Variants in EGFL6 observed in about 807,000 individuals in gnomAD.
EGFL6 encodes epidermal growth factor-like protein 6.
EGFL6 carries 42 observed loss-of-function variants against 43.1 expected under a neutral mutation model. The ratio of observed to expected loss-of-function variants is 0.98; its 90% CI spans 0.76 to 1.26. EGFL6 has a LOEUF of 1.26. EGFL6 is among the 50% of genes most tolerant of loss of function. The pLI is 0.00. For missense variants in EGFL6, 429 were observed against 427.8 expected, an observed-to-expected ratio of 1.00 and a Z score of -0.02; for synonymous variants, 164 against 163.2, an observed-to-expected ratio of 1.01 and a Z score of -0.04.
chrX:13,589,567 A>G lies in EGFL6; in HGVS notation c.86A>G (p.His29Arg), dbSNP rs2045551853. The change falls in exon 2 of 12, where the codon CAC (histidine) becomes CGC (arginine). Residue 29 changes from histidine (H) to arginine (R), a missense_variant. Transcript: ENST00000361306. The stretch of plus-strand genomic sequence containing the variant: ...TTCTTTATCTGCAGTGCAAGGCATC[A>G]CGGGTTGTTAGCATCGGCACGTCAG... Reference protein sequence around the residue: ...GFGNAASARHHGLLASARQPG... With the variant: ...GFGNAASARHRGLLASARQPG... The G allele has an allele frequency of 9.9e-6, 12 of 1,210,402 alleles. No homozygotes were observed. The highest frequency in any genetic ancestry group is 1.3e-5 in the Non-Finnish European group (12 of 894,646).
chrX:13,589,914 G>T (rs1297461178), intron 2 of EGFL6, among the ~76,000 whole-genome samples: 1 of 112,723 alleles, frequency 8.9e-6, no homozygotes, highest in Non-Finnish European at 1.9e-5. Flanking sequence ...ATCTTAATGA[G>T]TATGACTGGG....
At chrX:13,616,539 G>A (rs991235449) in intron 7 of EGFL6, among the ~76,000 whole-genome samples, 1 of 110,286 alleles carries the variant, frequency 9.1e-6, no homozygotes, top group Non-Finnish European at 1.9e-5. Flanking sequence ...CAACCCAGGA[G>A]GGGGAGGTTG....
chrX:13,601,634 C>G (rs183695477), intron 4 of EGFL6, among the ~76,000 whole-genome samples: 182 of 112,081 alleles, frequency 1.6e-3, no homozygotes, highest in African/African-American at 5.7e-3. Flanking sequence ...TGTCCCAACA[C>G]CACCAGTCAC....
intron 1 of EGFL6, among the ~76,000 whole-genome samples, chrX:13,578,808 T>TTA (rs2045489769): frequency 9.2e-6 from 1 of 108,290 alleles, no homozygotes; most frequent in African/African-American, 3.5e-5. Context: ...AGGGATAGCA[T>TTA]TGGTAGATAT....
intron 7 of EGFL6, among the ~76,000 whole-genome samples, chrX:13,614,967 G>T (rs2045710849): frequency 9.0e-6 from 1 of 111,715 alleles, no homozygotes; most frequent in African/African-American, 3.3e-5. Context: ...GGCCAGGCTG[G>T]TCTCAAACAC....
In EGFL6 at chrX:13,608,429, A is replaced by T. The variant is rs907090559; in HGVS notation, c.761A>T (p.Asn254Ile). Residue 254 changes from asparagine (N) to isoleucine (I), a missense_variant, in exon 7 of 12, where the codon AAT (asparagine) becomes ATT (isoleucine). Coordinates refer to ENST00000361306, the MANE Select transcript of EGFL6 (RefSeq NM_015507.4). ...AAATGCAAGCAGGGATATAAAGGCA[A>T]TGGACTTCGGTGTTCTGGTAAGTAG... ...KCKCKQGYKG[N>I]GLRCSAIPEN... 2 of 1,209,386 alleles carry T rather than the reference A, an allele frequency of 1.7e-6. No homozygotes were observed. The highest frequency in any genetic ancestry group is 3.5e-5 in the African/African-American group (2 of 57,144).
At chrX:13,570,484 A>C (rs2045434953) in intron 1 of EGFL6, among the ~76,000 whole-genome samples, 1 of 111,819 alleles carries the variant, frequency 8.9e-6, no homozygotes, top group African/African-American at 3.3e-5. Flanking sequence ...GGGTTGATGA[A>C]CTGGAAAGAA....
At chrX:13,619,103 A>G in intron 8 of EGFL6, 60 bp from the exon 9 acceptor site, 17 of 906,804 alleles carry the variant, frequency 1.9e-5, no homozygotes, top group Non-Finnish European at 2.7e-5. Context: ...TTTGATTGAT[A>G]CCTTCTGAGC....
chrX:13,626,971 A>G lies in EGFL6; in HGVS notation c.1286-40A>G, dbSNP rs758231485. On this transcript the variant is annotated intron_variant, in intron 10 of 11. Transcript: ENST00000361306. ...ATACATTAAAGCCAAACTCCTTACA[A>G]TTGCCTCATTAATTGTGCATTTTTT... 6 of 1,191,061 alleles carry G rather than the reference A, an allele frequency of 5.0e-6. No homozygotes were observed. In the East Asian group the frequency reaches 1.8e-4, roughly 35 times the overall value.
At chrX:13,582,746 A>G (rs11095617) in intron 1 of EGFL6, among the ~76,000 whole-genome samples, 24,708 of 110,101 alleles carry the variant, frequency 0.22, 2,194 homozygotes, top group East Asian at 0.62. Context: ...CAGTATATGA[A>G]TTTTATCTTC....
intron 1 of EGFL6, among the ~76,000 whole-genome samples, chrX:13,572,755 T>C (rs1220568154): frequency 1.8e-5 from 2 of 111,989 alleles, no homozygotes; most frequent in Non-Finnish European, 3.8e-5. Flanking sequence ...CCACATGCTA[T>C]GTGGGTAATT....
intron 1 of EGFL6, among the ~76,000 whole-genome samples, chrX:13,585,129 C>G (rs956211404): frequency 8.9e-6 from 1 of 111,869 alleles, no homozygotes; most frequent in Non-Finnish European, 1.9e-5. Context: ...TCACAAGACC[C>G]TCTGTGATGT....
intron 2 of EGFL6, among the ~76,000 whole-genome samples, chrX:13,591,787 C>G (rs914199892): frequency 1.8e-5 from 2 of 111,134 alleles, no homozygotes; most frequent in East Asian, 5.6e-4. Context: ...AGCCTTCTAG[C>G]TCTCAGCCTC....
At chrX:13,601,869 T>A (rs147660897) in intron 4 of EGFL6, among the ~76,000 whole-genome samples, 1,437 of 111,609 alleles carry the variant, frequency 0.013, 22 homozygotes, top group African/African-American at 0.044. Context: ...GCTTTTATAG[T>A]AATCACTTAA....
At chrX:13,609,251 G>A (rs1462089354) in intron 7 of EGFL6, among the ~76,000 whole-genome samples, 1 of 112,049 alleles carries the variant, frequency 8.9e-6, no homozygotes, top group African/African-American at 3.2e-5. Flanking sequence ...AGCAGAGAAA[G>A]AAGCATGAAC....
chrX:13,611,594 T>C (rs2045689257), intron 7 of EGFL6, among the ~76,000 whole-genome samples: 1 of 112,440 alleles, frequency 8.9e-6, no homozygotes, highest in Admixed American at 9.4e-5. Context: ...TCTTTAAGCA[T>C]GCAATTAGAT....
At chrX:13,597,890 A>G (rs1488764934) in intron 3 of EGFL6, among the ~76,000 whole-genome samples, 2 of 112,606 alleles carry the variant, frequency 1.8e-5, no homozygotes, top group Admixed American at 1.9e-4. Context: ...CTGAACCAAG[A>G]TACTGTCTCA....
chrX:13,613,149 AATATATACATATATAT>A (rs1395609054), intron 7 of EGFL6, among the ~76,000 whole-genome samples: 1 of 73,574 alleles, frequency 1.4e-5, no homozygotes, highest in East Asian at 5.1e-4. Flanking sequence ...CATCTCCATA[AATATATACATATATAT>A]ATATATATAT....
intron 2 of EGFL6, among the ~76,000 whole-genome samples, chrX:13,590,079 T>A (rs1569203301): frequency 8.9e-6 from 1 of 112,927 alleles, no homozygotes; most frequent in Non-Finnish European, 1.9e-5. Flanking sequence ...ACAAAATAAG[T>A]ACACCTTTTA....
Sources: allele counts gnomAD v4.1 joint callset (sites outside exome capture counted in the v4.1 genomes callset), GRCh38; gene constraint gnomAD v4.1.1; transcripts MANE v1.5; gene names NCBI Gene and HGNC (gene_info 2026-07-23, HGNC 2026-07-21).